The following NCOR2 variants were observed in gnomAD, a reference collection of about 807,000 sequenced individuals.
The protein encoded by NCOR2 is CTG repeat protein 26.
A neutral mutation model predicts 262.9 loss-of-function variants in NCOR2; 81 were observed. That is an observed-to-expected ratio of 0.31 (90% CI 0.26 to 0.37). The LOEUF (loss-of-function observed/expected upper bound fraction) is 0.37. Among genes scored for constraint, NCOR2 ranks in the 10% least tolerant of loss-of-function variants. NCOR2 has a pLI of 1.00. For synonymous variants in NCOR2, 1,659 were observed against 1,559.3 expected (o/e 1.06, Z -1.51); for missense variants, 3,385 against 3,621.4 (o/e 0.93, Z 1.68).
intron 18 of NCOR2, among the ~76,000 whole-genome samples, chr12:124,377,556 G>A (rs924136492): frequency 5.3e-5 from 8 of 152,176 alleles, no homozygotes; most frequent in African/African-American, 1.4e-4. Flanking sequence ...AACAATTTTC[G>A]GGCCTGACGT....
At chr12:124,400,794 C>A (rs374681797) in intron 14 of NCOR2, 121 bp from the exon 17 acceptor site, 1 of 1,298,198 alleles carries the variant, frequency 7.7e-7, no homozygotes, top group East Asian at 2.4e-5. Context: ...ACTAATCGGA[C>A]GCTAGGAAAG....
chr12:124,417,202 A>ACGGACAGCAGGCCGGACACTCACTCCC (rs2042945524), intron 13 of NCOR2, among the ~76,000 whole-genome samples: 1 of 147,394 alleles, frequency 6.8e-6, no homozygotes, highest in African/African-American at 2.5e-5. Flanking sequence ...CACTCACTCC[A>ACGGACAGCAGGCCGGACACTCACTCCC]CGGACAGCAG....
Position 124,517,927 on chromosome 12 carries a change from G to GCGGCC in NCOR2, c.-118+17633_-118+17637dup, listed in dbSNP as rs1352270370. On this transcript the variant is annotated intron_variant, in intron 1 of 46. Transcript: ENST00000404621. This position sits in a 1 kb window ranked among gnomAD's most constrained non-coding sequence, Gnocchi z 7.6. ...TCCAGCTGCCCCCATTGGCTGACCT[G>GCGGCC]CGGCCGGCCACTCAGCCCCCAGCCC... is the stretch of plus-strand genomic sequence containing the variant. Among the ~76,000 whole-genome samples the GCGGCC allele has an allele frequency of 5.9e-5, 9 of 152,062 alleles. No homozygotes were observed. The highest frequency in any genetic ancestry group is 2.2e-4 in the African/African-American group (9 of 41,408).
At chr12:124,420,037 G>T in exon 13 of NCOR2, 1 of 1,613,308 alleles carries the variant, frequency 6.2e-7, no homozygotes, top group African/African-American at 1.3e-5. Context: ...TAGTAATAGA[G>T]GACGCACTCA....
chr12:124,539,879 C>T (rs529533284), upstream of NCOR2, among the ~76,000 whole-genome samples: 1 of 152,318 alleles, frequency 6.6e-6, no homozygotes, highest in South Asian at 2.1e-4. This position sits in a 1 kb window ranked among gnomAD's most constrained non-coding sequence, Gnocchi z 5.1. Context: ...GCCAACCTGA[C>T]TCGTCCATTC....
rs1410975284 is a variant in NCOR2 at position 124,443,369 on chromosome 12, C to T, written c.816-5373G>A. On this transcript the variant is annotated intron_variant, in intron 7 of 46. Transcript: ENST00000405201. The surrounding 1 kb of genome is among the most constrained non-coding windows in gnomAD (Gnocchi z 4.4). ...ACTGCCTGCCACCCAGAGACATCCA[C>T]GTACCACGCAAGAGGACACGTCAAG... is the stretch of plus-strand genomic sequence containing the variant. 1.3e-5 allele frequency among the ~76,000 whole-genome samples: 2 copies of T among 152,214 alleles called. No individual in the cohort carries two copies. The highest frequency in any genetic ancestry group is 2.9e-5 in the Non-Finnish European group (2 of 68,046).
At chr12:124,485,286 G>A (rs2047715351) in intron 2 of NCOR2, among the ~76,000 whole-genome samples, 1 of 152,190 alleles carries the variant, frequency 6.6e-6, no homozygotes, top group Non-Finnish European at 1.5e-5. Flanking sequence ...AAGCTAAGAT[G>A]AGGCCATCCT....
chr12:124,344,788 A>G (rs1593143589), exon 32 of NCOR2: 4 of 1,551,670 alleles, frequency 2.6e-6, no homozygotes, highest in African/African-American at 1.4e-5. Context: ...CCGGCTCTTC[A>G]GGCTCTCCTC....
At chr12:124,369,056 C>T (rs2039267843) in intron 20 of NCOR2, among the ~76,000 whole-genome samples, 1 of 152,224 alleles carries the variant, frequency 6.6e-6, no homozygotes. Flanking sequence ...TCTCTGAGCG[C>T]CCACTGTGGC....
At chr12:124,540,120 A>C (rs2051245187), upstream of NCOR2, among the ~76,000 whole-genome samples, 1 of 148,820 alleles carries the variant, frequency 6.7e-6, no homozygotes, top group South Asian at 2.2e-4. Context: ...ACACACACAC[A>C]CCCAAACACC....
intron 33 of NCOR2, 39 bp from the exon 36 acceptor site, chr12:124,342,113 C>T: frequency 6.3e-7 from 1 of 1,575,794 alleles, no homozygotes; most frequent in Non-Finnish European, 8.6e-7. Context: ...GCCAGCCATA[C>T]CTAGGCCTGA....
At chr12:124,392,087 C>T (rs2041346639) in intron 16 of NCOR2, among the ~76,000 whole-genome samples, 1 of 152,212 alleles carries the variant, frequency 6.6e-6, no homozygotes, top group South Asian at 2.1e-4. Flanking sequence ...TTCGTGAGCA[C>T]CAGCCACGCC....
At chr12:124,495,510 C>G, upstream of NCOR2, 1 of 533,244 alleles carries the variant, frequency 1.9e-6, no homozygotes, top group Non-Finnish European at 3.2e-6. This position sits in a 1 kb window ranked among gnomAD's most constrained non-coding sequence, Gnocchi z 4.4. Context: ...CCATCCACTG[C>G]CACACTCACC....
intron 21 of NCOR2, 42 bp downstream of exon 23, chr12:124,363,637 G>A (rs762634291): frequency 5.3e-6 from 7 of 1,329,420 alleles, no homozygotes; most frequent in South Asian, 2.6e-5. Flanking sequence ...GGAAAGTCAA[G>A]GTCAGGGTGG....
chr12:124,474,896 C>G (rs900719337), intron 3 of NCOR2, among the ~76,000 whole-genome samples: 1 of 152,124 alleles, frequency 6.6e-6, no homozygotes, highest in Admixed American at 6.5e-5. Flanking sequence ...GCCCCCGCAG[C>G]AGCTGCACCC....
chr12:124,566,682 A>G lies in NCOR2; in HGVS notation c.-165+626T>C, dbSNP rs1202406047. On this transcript the variant is annotated intron_variant, in intron 1 of 32. Coordinates refer to the NCOR2 transcript ENST00000458234. This position sits in a 1 kb window ranked among gnomAD's most constrained non-coding sequence, Gnocchi z 4.3. ...GGAGGCGGCCCAATGAGGCGTCACC[A>G]GCCACGGGAGGCAGGCCCAGACACC... 4.6e-5 allele frequency among the ~76,000 whole-genome samples: 7 copies of G among 152,296 alleles called. No individual in the cohort carries two copies. The East Asian group carries it at 9.7e-4, about 21-fold the overall frequency.
In NCOR2 at chr12:124,335,283, G is replaced by A. The variant is rs781085109; in HGVS notation, c.6266-3C>T. The stretch of plus-strand genomic sequence containing the variant: ...CTCCCCGCCAAGCTTCACGGGGCCT[G>A]CAGGCAGAGCAGAGCTGGTCAGGGG... On this transcript the variant is annotated splice_polypyrimidine_tract_variant and splice_region_variant and intron_variant, in intron 39 of 46. Transcript: ENST00000405201. 7.6e-6 allele frequency: 12 copies of A among 1,588,984 alleles called. No homozygotes were observed. Among genetic ancestry groups the A allele is most frequent in the Non-Finnish European group, 9.4e-6 (11 of 1,170,208 alleles).
At chr12:124,348,814 T>A (rs1212398079) in intron 28 of NCOR2, 1 of 158,450 alleles carries the variant, frequency 6.3e-6, no homozygotes, top group South Asian at 1.8e-4. Context: ...TACAGCAGAG[T>A]GGAGGTGCGG....
chr12:124,457,075 CCT>C lies in NCOR2; in HGVS notation c.762+29_762+30del, dbSNP rs779748816. On this transcript the variant is annotated intron_variant, in intron 6 of 46. Transcript: ENST00000405201. This position sits in a 1 kb window ranked among gnomAD's most constrained non-coding sequence, Gnocchi z 4.0. ...ACCTCTCCAGCCACCCCCGCCCTCCCCTGAGCCCCTGACCCTGTACCCCAGCT... is the reference window on the plus strand; with the variant it reads ...ACCTCTCCAGCCACCCCCGCCCTCCCGAGCCCCTGACCCTGTACCCCAGCT... 8 of 1,478,692 alleles carry C rather than the reference CCT, an allele frequency of 5.4e-6. No homozygotes were observed. The East Asian group carries it at 1.6e-4, about 30-fold the overall frequency. The allele number at this position is 1,478,692 out of a possible 1,614,324, so 91.6% of individuals were successfully genotyped here. A position where few individuals can be genotyped will look rare whatever the true frequency, so the allele number is the denominator to read the frequency against.
Sources: allele counts gnomAD v4.1 joint callset (sites outside exome capture counted in the v4.1 genomes callset), GRCh38; gene constraint gnomAD v4.1.1; non-coding constraint Gnocchi (gnomAD v3.1); transcripts MANE v1.5; gene names NCBI Gene and HGNC (gene_info 2026-07-23, HGNC 2026-07-21).